Variants in TULP4 observed in about 807,000 individuals in gnomAD.
The protein encoded by TULP4 is TUB like protein 4.
TULP4 carries 16 observed loss-of-function variants against 129.0 expected under a neutral mutation model. The ratio of observed to expected loss-of-function variants is 0.12; its 90% CI spans 0.08 to 0.19. The LOEUF is 0.19. Ranked by LOEUF, TULP4 falls within the 10% of genes least tolerant of loss-of-function variation. The pLI, the probability that TULP4 is intolerant of heterozygous loss-of-function variation, is 1.00. For missense variants in TULP4, 1,842 were observed against 2,059.1 expected, an observed-to-expected ratio of 0.89 and a Z score of 2.04; for synonymous variants, 998 against 854.0, an observed-to-expected ratio of 1.17 and a Z score of -2.94.
At chr6:158,247,202 C>A (rs989980875) in intron 1 of TULP4, among the ~76,000 whole-genome samples, 2 of 151,760 alleles carry the variant, frequency 1.3e-5, no homozygotes, top group Non-Finnish European at 2.9e-5. Flanking sequence ...AACATGTATC[C>A]CAGTTTGTAA....
intron 2 of TULP4, among the ~76,000 whole-genome samples, chr6:158,422,444 C>T (rs1778366497): frequency 6.6e-6 from 1 of 152,178 alleles, no homozygotes; most frequent in African/African-American, 2.4e-5. Flanking sequence ...TCACACCGTG[C>T]ATAAAAATTA....
rs554756587 is a variant in TULP4 at position 158,461,649 on chromosome 6, G to A, written c.946G>A (p.Gly316Ser). 2.5e-6 allele frequency: 4 copies of A among 1,614,026 alleles called. No individual in the cohort carries two copies. Among genetic ancestry groups the A allele is most frequent in the Middle Eastern group, 1.6e-4 (1 of 6,062 alleles). ...RQTQLGELPN[G>S]PLLKSAMVKF... ...GACCCAGCTTGGTGAGCTTCCCAAT[G>A]GTCCCCTTCTGAAGAGTGCCATGGT... Residue 316 changes from glycine (G) to serine (S), a missense_variant, in exon 6 of 14, where the codon GGT becomes AGT. By Grantham distance (56) the Gly-to-Ser change is moderately conservative (BLOSUM62 0). Around this residue, in one of 5 missense-constraint regions of TULP4, gnomAD observed 456 missense variants for 534.3 expected, o/e 0.85. Coordinates refer to ENST00000367097, the MANE Select transcript of TULP4 (RefSeq NM_020245.5).
chr6:158,361,236 A>G (rs1780780997), intron 1 of TULP4, among the ~76,000 whole-genome samples: 2 of 152,026 alleles, frequency 1.3e-5, no homozygotes, highest in South Asian at 4.1e-4. Flanking sequence ...TGTGATTGGG[A>G]CCCCTGGTGG....
chr6:158,316,084 C>T (rs539793236), intron 1 of TULP4, among the ~76,000 whole-genome samples: 31 of 152,332 alleles, frequency 2.0e-4, no homozygotes, highest in Middle Eastern at 3.4e-3. Context: ...TTTCACTCAA[C>T]GTGATGTCTG....
intron 3 of TULP4, among the ~76,000 whole-genome samples, chr6:158,441,656 G>T (rs1019689895): frequency 1.3e-5 from 2 of 152,178 alleles, no homozygotes; most frequent in Non-Finnish European, 2.9e-5. Context: ...CAGGACAAAG[G>T]CTCGCTCCTT....
At chr6:158,306,645 T>A (rs1169259017) in intron 1 of TULP4, among the ~76,000 whole-genome samples, 1 of 152,256 alleles carries the variant, frequency 6.6e-6, no homozygotes, top group Non-Finnish European at 1.5e-5. Flanking sequence ...GTTTCAGGGC[T>A]CCTTTATATT....
intron 7 of TULP4, among the ~76,000 whole-genome samples, chr6:158,480,423 A>G (rs1583922962): frequency 6.6e-6 from 1 of 152,178 alleles, no homozygotes; most frequent in South Asian, 2.1e-4. Context: ...TCAGGATTAG[A>G]CCCACCCCAG....
Position 158,493,606 on chromosome 6 carries a change from G to T in TULP4, c.1665G>T (p.Leu555=), listed in dbSNP as rs573300466. ...TTGAGGCCCGCAAGTCACCCAAGCT[G>T]CCCCGGGCTGCTCAGGAGCTCTCCC... is the stretch of plus-strand genomic sequence containing the variant. The part of the protein sequence containing the change: ...ISIEARKSPK[L]PRAAQELSRS... Residue 555 remains leucine (L), a synonymous_variant, in exon 10 of 14, where the codon CTG becomes CTT. Transcript: ENST00000367097. This position sits in a 1 kb window ranked among gnomAD's most constrained non-coding sequence, Gnocchi z 4.4. 6.3e-7 allele frequency: 1 copy of T among 1,579,710 alleles called. No homozygotes were observed. The highest frequency in any genetic ancestry group is 1.4e-5 in the African/African-American group (1 of 72,946).
At chr6:158,473,649 G>A (rs1779743713) in intron 6 of TULP4, among the ~76,000 whole-genome samples, 2 of 152,140 alleles carry the variant, frequency 1.3e-5, no homozygotes, top group South Asian at 4.1e-4. Context: ...CTCCCGAGTA[G>A]CTGGGACTAC....
At chr6:158,392,790 A>ATTTTTTTTTTTTTTTTTTTT (rs1554286987) in intron 1 of TULP4, among the ~76,000 whole-genome samples, 1 of 38,630 alleles carries the variant, frequency 2.6e-5, no homozygotes, top group Admixed American at 2.5e-4. Flanking sequence ...TTAAATTTGT[A>ATTTTTTTTTTTTTTTTTTTT]TTTCTTTTTT....
intron 2 of TULP4, among the ~76,000 whole-genome samples, chr6:158,428,993 T>TTTC (rs767655258): frequency 2.0e-5 from 3 of 152,160 alleles, no homozygotes; most frequent in Admixed American, 6.5e-5. Context: ...CTTAAAAAAA[T>TTTC]TTCTTTAGAG....
At chr6:158,353,950 C>T (rs1411804427) in intron 1 of TULP4, among the ~76,000 whole-genome samples, 2 of 152,230 alleles carry the variant, frequency 1.3e-5, no homozygotes, top group Non-Finnish European at 2.9e-5. Context: ...AGAACAGCAT[C>T]TTCTCTGAAT....
intron 1 of TULP4, among the ~76,000 whole-genome samples, chr6:158,276,416 C>T (rs1020572928): frequency 2.0e-5 from 3 of 151,336 alleles, no homozygotes; most frequent in South Asian, 2.1e-4. Flanking sequence ...GTCATCCTCC[C>T]GTCTCAGTCT....
chr6:158,262,246 G>A (rs561396046), intron 1 of TULP4, among the ~76,000 whole-genome samples: 3 of 152,170 alleles, frequency 2.0e-5, no homozygotes, highest in Non-Finnish European at 2.9e-5. Flanking sequence ...CTCAGCCTCC[G>A]CAGGTTTCTC....
chr6:158,404,095 C>T (rs768042433), intron 1 of TULP4, among the ~76,000 whole-genome samples: 16 of 152,250 alleles, frequency 1.1e-4, no homozygotes, highest in Non-Finnish European at 8.8e-5. Flanking sequence ...TCCACTCATG[C>T]TCCGGCTCTC....
Position 158,413,241 on chromosome 6 carries a change from A to T in TULP4, c.381+48A>T. The stretch of plus-strand genomic sequence containing the variant: ...CCAGTGAAGGGCTGCGGGGTAGAGG[A>T]CTCCCAGACAGGCATTCCGGAGCCA... On this transcript the variant is annotated intron_variant, in intron 2 of 13. Coordinates refer to ENST00000367097, the MANE Select transcript of TULP4 (RefSeq NM_020245.5). This position sits in a 1 kb window ranked among gnomAD's most constrained non-coding sequence, Gnocchi z 4.9. 2 of 1,563,044 alleles carry T rather than the reference A, an allele frequency of 1.3e-6. No individual in the cohort carries two copies. Among genetic ancestry groups the T allele is most frequent in the African/African-American group, 2.7e-5 (2 of 73,730 alleles).
intron 6 of TULP4, among the ~76,000 whole-genome samples, chr6:158,463,842 TA>T (rs1779498380): frequency 6.6e-6 from 1 of 152,016 alleles, no homozygotes; most frequent in Non-Finnish European, 1.5e-5. Flanking sequence ...GTAAAACACA[TA>T]TAACATAAAA....
chr6:158,267,854 G>T (rs1465204945), intron 1 of TULP4, among the ~76,000 whole-genome samples: 1 of 152,072 alleles, frequency 6.6e-6, no homozygotes, highest in Non-Finnish European at 1.5e-5. Context: ...CATTTGCCTG[G>T]CTGAATTAAG....
chr6:158,385,842 CTTTTT>C (rs778595442), intron 1 of TULP4, among the ~76,000 whole-genome samples: 1 of 59,576 alleles, frequency 1.7e-5, no homozygotes, highest in East Asian at 4.0e-4. Context: ...TGTGGAATAT[CTTTTT>C]TTTTTTTTTT....
Sources: gnomAD v4.1 joint callset for allele counts (sites outside exome capture counted in the v4.1 genomes callset) on GRCh38, gnomAD v4.1.1 for gene constraint, gnomAD v4.1.1 regional missense constraint, Gnocchi (gnomAD v3.1) non-coding constraint, MANE v1.5 for transcripts, NCBI Gene and HGNC (gene_info 2026-07-23, HGNC 2026-07-21) for gene names.